NUCB2: variants seen among roughly 807,000 people sequenced by gnomAD.
NUCB2 encodes nucleobindin 2.
Under a neutral mutation model 57.9 loss-of-function variants are expected in NUCB2, and 48 were observed. The ratio of observed to expected loss-of-function variants is 0.83; its 90% CI spans 0.66 to 1.05. NUCB2 has a LOEUF of 1.05. Ranked by LOEUF, NUCB2 falls within the 50% of genes least tolerant of loss-of-function variation. The pLI, the probability that NUCB2 is intolerant of heterozygous loss-of-function variation, is 0.00. For synonymous variants in NUCB2, 139 were observed against 152.1 expected (o/e 0.91, Z 0.64); for missense variants, 442 against 476.2 (o/e 0.93, Z 0.67).
At chr11:17,316,251 T>G (rs1410435199) in intron 11 of NUCB2, among the ~76,000 whole-genome samples, 2 of 152,216 alleles carry the variant, frequency 1.3e-5, no homozygotes, top group Non-Finnish European at 2.9e-5. Flanking sequence ...ATTACAGGCA[T>G]AAGCCACCGC....
At chr11:17,301,963 A>G (rs937238848) in intron 5 of NUCB2, 93 bp downstream of exon 5, 3 of 1,054,128 alleles carry the variant, frequency 2.8e-6, no homozygotes, top group Non-Finnish European at 4.1e-6. Context: ...GCAGTGGCAC[A>G]ATCACAGTTC....
chr11:17,314,700 G>A (rs1461509318), intron 10 of NUCB2, among the ~76,000 whole-genome samples: 1 of 152,064 alleles, frequency 6.6e-6, no homozygotes, highest in Non-Finnish European at 1.5e-5. Context: ...TCTGATATAG[G>A]CATCATATGC....
Position 17,302,237 on chromosome 11 carries a change from C to T in NUCB2, c.379+367C>T, listed in dbSNP as rs998160131. On this transcript the variant is annotated intron_variant, in intron 5 of 13. Transcript: ENST00000529010. The stretch of plus-strand genomic sequence containing the variant: ...TTGTTGAGGTCAGTTTATATTAGTA[C>T]GTGCCATCTATGTTCTTCTAGTCAA... Among the ~76,000 whole-genome samples, 10 of 152,170 alleles carry T rather than the reference C, an allele frequency of 6.6e-5. No individual in the cohort carries two copies. In the East Asian group the frequency reaches 1.4e-3, roughly 21 times the overall value.
At chr11:17,283,310 G>A (rs1019142405) in intron 2 of NUCB2, among the ~76,000 whole-genome samples, 6 of 152,216 alleles carry the variant, frequency 3.9e-5, no homozygotes, top group African/African-American at 1.4e-4. Context: ...CCTGAACCAA[G>A]GCTGAGGCTA....
intron 2 of NUCB2, among the ~76,000 whole-genome samples, chr11:17,288,880 T>TACACACACACACACACAC (rs775443519): frequency 1.0e-4 from 7 of 67,536 alleles, no homozygotes; most frequent in Non-Finnish European, 1.7e-4. Flanking sequence ...ATAACATGTA[T>TACACACACACACACACAC]ATACACACAC....
At chr11:17,285,163 C>T (rs932479484) in intron 2 of NUCB2, among the ~76,000 whole-genome samples, 8 of 152,048 alleles carry the variant, frequency 5.3e-5, no homozygotes, top group African/African-American at 1.4e-4. Context: ...CGCGGTGGCT[C>T]ATGCCTGTAA....
intron 2 of NUCB2, among the ~76,000 whole-genome samples, chr11:17,287,331 C>T (rs763029830): frequency 3.4e-4 from 52 of 151,468 alleles, no homozygotes; most frequent in Non-Finnish European, 5.6e-4. Context: ...GAACCTGTCT[C>T]AAAAAACAAA....
At chr11:17,288,600 G>A (rs1275552584) in intron 2 of NUCB2, among the ~76,000 whole-genome samples, 4 of 125,474 alleles carry the variant, frequency 3.2e-5, no homozygotes, top group Non-Finnish European at 1.6e-5. Flanking sequence ...CCAGACTGGA[G>A]TGCAGTGGCA....
At chr11:17,294,000 A>G (rs904341929) in intron 2 of NUCB2, among the ~76,000 whole-genome samples, 4 of 152,256 alleles carry the variant, frequency 2.6e-5, no homozygotes, top group Non-Finnish European at 1.5e-5. Flanking sequence ...TGAATATTCT[A>G]GAAAACACTG....
intron 2 of NUCB2, among the ~76,000 whole-genome samples, chr11:17,286,906 G>T (rs1943832969): frequency 6.6e-6 from 1 of 152,084 alleles, no homozygotes; most frequent in East Asian, 1.9e-4. Flanking sequence ...TGCCTAATGT[G>T]CTGGAATACT....
intron 11 of NUCB2, among the ~76,000 whole-genome samples, chr11:17,316,606 A>G (rs1949282311): frequency 6.6e-6 from 1 of 152,194 alleles, no homozygotes; most frequent in South Asian, 2.1e-4. Context: ...AAGATTTATG[A>G]AAAATTTTTT....
chr11:17,288,828 T>TGCCC (rs1944291470), intron 2 of NUCB2, among the ~76,000 whole-genome samples: 1 of 144,408 alleles, frequency 6.9e-6, no homozygotes, highest in Admixed American at 7.2e-5. Flanking sequence ...GTGTTGGGAT[T>TGCCC]ACAGGCATGA....
chr11:17,290,552 T>TA lies in NUCB2; in HGVS notation c.1-4764dup, dbSNP rs202131099. On this transcript the variant is annotated intron_variant, in intron 2 of 13. Transcript: ENST00000529010. The stretch of plus-strand genomic sequence containing the variant: ...GTTGAGACCCTGTCTCAAAAAACAA[T>TA]AAAAAAAATACTAATATGGTTGGGA... Among the ~76,000 whole-genome samples the TA allele has an allele frequency of 5.1e-3, 766 of 151,260 alleles. 16 individuals carry two copies. Among genetic ancestry groups the TA allele is most frequent in the East Asian group, 0.01 (52 of 5,140 alleles).
intron 1 of NUCB2, chr11:17,337,284 T>A (rs1951899358): frequency 6.6e-6 from 1 of 152,250 alleles, no homozygotes; most frequent in Non-Finnish European, 1.5e-5. Flanking sequence ...ATCTGTTAAC[T>A]TAGAATAAAG....
intron 5 of NUCB2, among the ~76,000 whole-genome samples, chr11:17,303,216 A>G (rs1363875885): frequency 6.6e-6 from 1 of 152,212 alleles, no homozygotes; most frequent in African/African-American, 2.4e-5. Flanking sequence ...CTATCAAACC[A>G]TTAAAGAGCA....
At chr11:17,282,234 A>G (rs199514274) in intron 1 of NUCB2, among the ~76,000 whole-genome samples, 1,934 of 61,482 alleles carry the variant, frequency 0.031, 46 homozygotes, top group African/African-American at 0.089. Context: ...CTATCTATCT[A>G]TCTATATATA....
chr11:17,317,263 A>G (rs1402660715), intron 11 of NUCB2, among the ~76,000 whole-genome samples: 1 of 152,086 alleles, frequency 6.6e-6, no homozygotes, highest in African/African-American at 2.4e-5. Context: ...TGTATAACAT[A>G]TAATTATGTT....
rs754850715 is a variant in NUCB2 at position 17,311,842 on chromosome 11, A to G, written c.761-30A>G. On this transcript the variant is annotated intron_variant, in intron 8 of 13. Transcript: ENST00000529010. ...ATTATTTTCTAAGTTATTAAAATCT[A>G]TTTTTGCATTTGTAACTTTTAAACT... 8 of 1,418,740 alleles carry G rather than the reference A, an allele frequency of 5.6e-6. 1 individual carries two copies. The East Asian group carries it at 6.8e-5, about 12-fold the overall frequency. 87.9% of individuals were successfully genotyped at this position (1,418,740 alleles called of 1,614,324 possible).
chr11:17,305,541 G>A (rs1209024465), intron 5 of NUCB2, among the ~76,000 whole-genome samples: 1 of 152,014 alleles, frequency 6.6e-6, no homozygotes, highest in Non-Finnish European at 1.5e-5. Flanking sequence ...CAGAAGTAGA[G>A]TTAAACACAC....
Sources: gnomAD v4.1 joint callset for allele counts (sites outside exome capture counted in the v4.1 genomes callset) on GRCh38, gnomAD v4.1.1 for gene constraint, MANE v1.5 for transcripts, NCBI Gene and HGNC (gene_info 2026-07-23, HGNC 2026-07-21) for gene names.